CPXM2: variants seen among roughly 807,000 people sequenced by gnomAD.
The protein encoded by CPXM2 is inactive carboxypeptidase-like protein X2.
CPXM2 carries 66 observed loss-of-function variants against 86.1 expected under a neutral mutation model. That is an observed-to-expected ratio of 0.77 (90% CI 0.63 to 0.94). The LOEUF (loss-of-function observed/expected upper bound fraction) is 0.94, where lower values mean the gene tolerates loss of function less well. Ranked by LOEUF, CPXM2 falls within the 40% of genes least tolerant of loss-of-function variation. CPXM2 has a pLI of 0.00. For missense variants in CPXM2, 948 were observed against 1,026.3 expected, an observed-to-expected ratio of 0.92 and a Z score of 1.04; for synonymous variants, 388 against 400.2, an observed-to-expected ratio of 0.97 and a Z score of 0.36.
At position 123,752,885 on chromosome 10, in the gene CPXM2, G is replaced by A. The variant is rs553072590; in HGVS notation, c.2017+1778C>T. Among the ~76,000 whole-genome samples the A allele has an allele frequency of 3.9e-5, 6 of 152,290 alleles. No individual in the cohort carries two copies. In the East Asian group the frequency reaches 1.2e-3, roughly 29 times the overall value. On this transcript the variant is annotated intron_variant, in intron 13 of 13. Transcript: ENST00000241305. ...CATTGAGGAACAAACCAACAAAACAGTCAAGGGCTCCTGACCTCATGGGGG... is the reference window on the plus strand; with the variant it reads ...CATTGAGGAACAAACCAACAAAACAATCAAGGGCTCCTGACCTCATGGGGG...
chr10:123,749,350 A>G (rs971182755), intron 13 of CPXM2, among the ~76,000 whole-genome samples: 3 of 152,124 alleles, frequency 2.0e-5, no homozygotes, highest in African/African-American at 7.2e-5. Context: ...GAAACCCACA[A>G]TTAATGGTTA....
Position 123,746,034 on chromosome 10 carries a change from T to C in CPXM2, c.*730A>G. On this transcript the variant is annotated 3_prime_UTR_variant, in exon 14 of 14. Transcript: ENST00000241305. ...TCTGGCTCTCCCTACCTGGGGAACC[T>C]CCAGGGCTACTGGATCAGCAGGGAC... 1 of 152,240 alleles carries C rather than the reference T, an allele frequency of 6.6e-6. No homozygotes were observed. The highest frequency in any genetic ancestry group is 1.5e-5 in the Non-Finnish European group (1 of 68,042). The allele number at this position is 152,240 out of a possible 1,614,324, so 9.4% of individuals were successfully genotyped here.
At chr10:123,753,129 G>A (rs755461744) in intron 13 of CPXM2, among the ~76,000 whole-genome samples, 14 of 152,124 alleles carry the variant, frequency 9.2e-5, no homozygotes, top group South Asian at 2.1e-4. Flanking sequence ...GGAACCCAGA[G>A]ACCCCCCGGG....
At chr10:123,842,171 T>TC (rs929365852) in intron 4 of CPXM2, among the ~76,000 whole-genome samples, 178 bp downstream of exon 4, 73 of 152,286 alleles carry the variant, frequency 4.8e-4, no homozygotes, top group Non-Finnish European at 8.1e-4. Flanking sequence ...AAACGCACCA[T>TC]CCCCCCCAGG....
chr10:123,796,195 G>T (rs1847331846), intron 6 of CPXM2, among the ~76,000 whole-genome samples: 1 of 152,224 alleles, frequency 6.6e-6, no homozygotes, highest in Admixed American at 6.5e-5. Context: ...CATTCTCTCT[G>T]CATCGGCCTT....
chr10:123,766,706 A>G (rs1010215711), intron 10 of CPXM2, among the ~76,000 whole-genome samples: 1 of 152,176 alleles, frequency 6.6e-6, no homozygotes, highest in Admixed American at 6.5e-5. Flanking sequence ...AGTAACAAAC[A>G]TGTGCAATTC....
chr10:123,814,239 C>T (rs1468174023), intron 4 of CPXM2, among the ~76,000 whole-genome samples: 2 of 152,168 alleles, frequency 1.3e-5, no homozygotes, highest in Non-Finnish European at 2.9e-5. Context: ...GACAGACCCA[C>T]CCTTAATCTG....
At chr10:123,943,791 C>G (rs192946317), upstream of CPXM2, among the ~76,000 whole-genome samples, 1 of 152,320 alleles carries the variant, frequency 6.6e-6, no homozygotes. Flanking sequence ...AAGACAAACA[C>G]AGTCCGTCTT....
chr10:123,811,616 C>G (rs1247085375), intron 4 of CPXM2, among the ~76,000 whole-genome samples: 1 of 152,000 alleles, frequency 6.6e-6, no homozygotes, highest in Non-Finnish European at 1.5e-5. Flanking sequence ...AAAACTTTTG[C>G]TTATTAAAAA....
chr10:123,941,150 G>A (rs1945773223), upstream of CPXM2, among the ~76,000 whole-genome samples: 1 of 152,190 alleles, frequency 6.6e-6, no homozygotes. Context: ...CAGCCTGGGT[G>A]ACAGAGCGAG....
upstream of CPXM2, among the ~76,000 whole-genome samples, chr10:123,943,371 A>C (rs1360060331): frequency 2.0e-5 from 3 of 152,200 alleles, no homozygotes; most frequent in Non-Finnish European, 2.9e-5. Context: ...GAAGTTGCAA[A>C]ATGTATGGAC....
intron 3 of CPXM2, among the ~76,000 whole-genome samples, chr10:123,856,457 G>A (rs1374223128): frequency 6.6e-6 from 1 of 152,182 alleles, no homozygotes; most frequent in Non-Finnish European, 1.5e-5. Context: ...ATATCTTAGG[G>A]TCCTCAAAGG....
At chr10:123,922,841 G>A (rs1050813757) in intron 2 of CPXM2, among the ~76,000 whole-genome samples, 2 of 152,188 alleles carry the variant, frequency 1.3e-5, no homozygotes, top group African/African-American at 4.8e-5. Context: ...ATGATCATTG[G>A]TTGAAAAACT....
At chr10:123,785,573 T>C (rs1333419169) in intron 6 of CPXM2, among the ~76,000 whole-genome samples, 1 of 152,148 alleles carries the variant, frequency 6.6e-6, no homozygotes, top group Non-Finnish European at 1.5e-5. Context: ...CTCAAGCAAC[T>C]TTGGCTTGGT....
At chr10:123,837,838 T>C (rs1158515650) in intron 4 of CPXM2, among the ~76,000 whole-genome samples, 3 of 152,244 alleles carry the variant, frequency 2.0e-5, no homozygotes, top group Admixed American at 6.5e-5. Flanking sequence ...GTTGTAGAAC[T>C]TATCATCAAC....
Position 123,862,690 on chromosome 10 carries a change from A to AT in CPXM2, c.436dup (p.Ile146AsnfsTer30). ...GGAGGCATGGAGCTGGAAGTCTGTG[A>AT]TTTTTAAGGTTTCCAGACCAAGAGG... is the stretch of plus-strand genomic sequence containing the variant. On this transcript the variant is annotated frameshift_variant, in exon 3 of 14. Transcript: ENST00000241305. LOFTEE classifies it high-confidence loss of function. 2 of 1,612,620 alleles carry AT rather than the reference A, an allele frequency of 1.2e-6. No homozygotes were observed. Among genetic ancestry groups the AT allele is most frequent in the South Asian group, 1.1e-5 (1 of 90,980 alleles).
At chr10:123,841,794 T>C (rs1848392427) in intron 4 of CPXM2, among the ~76,000 whole-genome samples, 1 of 152,224 alleles carries the variant, frequency 6.6e-6, no homozygotes, top group Non-Finnish European at 1.5e-5. Flanking sequence ...CAGATCACAC[T>C]TGTCACTGTC....
At chr10:123,778,971 G>C (rs1484121486) in intron 7 of CPXM2, among the ~76,000 whole-genome samples, 1 of 152,216 alleles carries the variant, frequency 6.6e-6, no homozygotes, top group African/African-American at 2.4e-5. Context: ...AGTATCTCAA[G>C]TTAGATCACA....
At chr10:123,919,310 T>C (rs1945562308) in intron 2 of CPXM2, among the ~76,000 whole-genome samples, 1 of 152,148 alleles carries the variant, frequency 6.6e-6, no homozygotes, top group Admixed American at 6.5e-5. Context: ...AATGAAATAA[T>C]CAACATTTAT....
Sources: allele counts gnomAD v4.1 joint callset (sites outside exome capture counted in the v4.1 genomes callset), GRCh38; gene constraint gnomAD v4.1.1; transcripts MANE v1.5; gene names NCBI Gene and HGNC (gene_info 2026-07-23, HGNC 2026-07-21).